Variants in FHDC1 observed in about 807,000 individuals in gnomAD.
FHDC1 encodes the protein FH2 domain containing 1, also known as FH2 domain-containing protein 1.
Under a neutral mutation model 52.6 loss-of-function variants are expected in FHDC1, and 25 were observed. The ratio of observed to expected loss-of-function variants is 0.48; its 90% CI spans 0.35 to 0.66. The LOEUF is 0.66. FHDC1 is among the 30% of genes least tolerant of loss of function. The pLI is 0.01. For synonymous variants in FHDC1, 616 were observed against 581.5 expected (o/e 1.06, Z -0.85); for missense variants, 1,459 against 1,452.8 (o/e 1.00, Z -0.07).
Position 152,953,553 on chromosome 4 carries a change from T to G in FHDC1, c.553T>G (p.Phe185Val). Residue 185 changes from phenylalanine (F) to valine (V), a missense_variant, in exon 3 of 12, where the codon TTT (phenylalanine) becomes GTT (valine). Physicochemically the swap from Phe to Val is conservative, Grantham distance 50. This residue lies in a region of FHDC1 where 513 missense variants were observed against 581.5 expected (regional missense o/e 0.88). Coordinates refer to ENST00000511601, the MANE Select transcript of FHDC1 (RefSeq NM_001371116.1). ...GAACATTGGGATATTTCTTAAGCAA[T>G]TTAAGAAGTAAGATTTTGCACACAT... ...SMNIGIFLKQ[F>V]KKSPRSIVED... 6.2e-7 allele frequency: 1 copy of G among 1,611,578 alleles called. No individual in the cohort carries two copies. Among genetic ancestry groups the G allele is most frequent in the Non-Finnish European group, 8.5e-7 (1 of 1,179,730 alleles).
At chr4:152,919,897 AC>A in the FHDC1 span, among the ~76,000 whole-genome samples, 1 of 151,254 alleles carries the variant, frequency 6.6e-6, no homozygotes, top group Non-Finnish European at 1.5e-5. Flanking sequence ...GACAGAGTCT[AC>A]AAACATGGCT....
intron 2 of FHDC1, among the ~76,000 whole-genome samples, chr4:152,947,110 T>C (rs1488161313): frequency 6.6e-6 from 1 of 151,342 alleles, no homozygotes; most frequent in East Asian, 1.9e-4. Context: ...TCCCAGCTAC[T>C]CAGGAGGCTG....
rs1482762317 is a variant in FHDC1 at position 152,974,947 on chromosome 4, G to A, written c.1656G>A (p.Leu552=). Residue 552 remains leucine (L), a synonymous_variant, in exon 12 of 12, where the codon CTG becomes CTA. Coordinates refer to ENST00000511601, the MANE Select transcript of FHDC1 (RefSeq NM_001371116.1). ...SLGPSADREL[L]TFLESSTGSP... is the part of the protein sequence containing the mutation. ...GTCCCTCTGCTGACCGGGAGCTGCT[G>A]ACCTTCTTGGAGAGCTCCACCGGCA... 3 of 1,612,354 alleles carry A rather than the reference G, an allele frequency of 1.9e-6. No homozygotes were observed. Among genetic ancestry groups the A allele is most frequent in the East Asian group, 2.2e-5 (1 of 44,884 alleles).
At chr4:152,971,708 G>C (rs1297022369) in intron 10 of FHDC1, among the ~76,000 whole-genome samples, 1 of 152,258 alleles carries the variant, frequency 6.6e-6, no homozygotes, top group Non-Finnish European at 1.5e-5. Flanking sequence ...GGACCCATCA[G>C]AATCTCCTGG....
At chr4:152,932,395 C>CT (rs574757744), upstream of FHDC1, among the ~76,000 whole-genome samples, 802 of 135,096 alleles carry the variant, frequency 5.9e-3, 7 homozygotes, top group African/African-American at 0.02. Flanking sequence ...GAGTGAGACT[C>CT]TATCTCAAAA....
At position 152,974,907 on chromosome 4, in the gene FHDC1, C is replaced by T. The variant is rs781542261; in HGVS notation, c.1616C>T (p.Ser539Phe). 3.7e-6 allele frequency: 6 copies of T among 1,610,914 alleles called. No homozygotes were observed. Among genetic ancestry groups the T allele is most frequent in the East Asian group, 2.2e-5 (1 of 44,832 alleles). ...TACCGGCCCCCGAACACCCGCCGCT[C>T]CCGCCTCTCCCTGGGTCCCTCTGCT... ...PSYRPPNTRR[S>F]RLSLGPSADR... The change falls in exon 12 of 12, where the codon TCC becomes TTC. Residue 539 changes from serine (S) to phenylalanine (F), a missense_variant. By Grantham distance (155) the Ser-to-Phe change is radical. Around this residue, in one of 3 missense-constraint regions of FHDC1, gnomAD observed 939 missense variants for 854.5 expected, o/e 1.10. Transcript: ENST00000511601.
chr4:152,952,068 T>C (rs1408265495), intron 2 of FHDC1, among the ~76,000 whole-genome samples: 1 of 152,220 alleles, frequency 6.6e-6, no homozygotes, highest in Non-Finnish European at 1.5e-5. Flanking sequence ...TATCTTATCC[T>C]TGGTGAAATG....
intron 9 of FHDC1, among the ~76,000 whole-genome samples, chr4:152,966,002 C>G (rs181414688): frequency 6.6e-6 from 1 of 152,154 alleles, no homozygotes; most frequent in African/African-American, 2.4e-5. Context: ...GAGGTGTAAA[C>G]AGTTTATAAT....
At chr4:152,963,191 T>A in intron 8 of FHDC1, 61 bp downstream of exon 8, 12 of 1,434,452 alleles carry the variant, frequency 8.4e-6, no homozygotes, top group Non-Finnish European at 1.2e-5. Flanking sequence ...GGCAGTGAAG[T>A]TTTTCCCAGG....
the FHDC1 span, among the ~76,000 whole-genome samples, chr4:152,919,944 CTTTTTTTTTTTT>C: frequency 7.1e-5 from 5 of 70,300 alleles, no homozygotes; most frequent in Non-Finnish European, 1.1e-4. Context: ...TAGGGAAGTT[CTTTTTTTTTTTT>C]TTTTTTTTTT....
At chr4:152,923,336 C>T in the FHDC1 span, among the ~76,000 whole-genome samples, 1 of 152,126 alleles carries the variant, frequency 6.6e-6, no homozygotes, top group African/African-American at 2.4e-5. Context: ...GAACTACAAA[C>T]CACTGCTCAA....
chr4:152,973,886 G>C (rs1391148222), intron 11 of FHDC1, among the ~76,000 whole-genome samples: 1 of 152,222 alleles, frequency 6.6e-6, no homozygotes, highest in East Asian at 1.9e-4. Flanking sequence ...CGATGGGAAG[G>C]GCTGGGTTCT....
chr4:152,959,025 AC>A (rs1740194796), intron 4 of FHDC1, among the ~76,000 whole-genome samples: 1 of 152,108 alleles, frequency 6.6e-6, no homozygotes. Flanking sequence ...CTTTGCAAAT[AC>A]TCCTTTCTTT....
At chr4:152,925,522 TA>T in the FHDC1 span, among the ~76,000 whole-genome samples, 3 of 152,076 alleles carry the variant, frequency 2.0e-5, no homozygotes, top group South Asian at 6.2e-4. Context: ...AGAGGGAAAT[TA>T]AAAACAAATG....
upstream of FHDC1, chr4:152,936,223 C>G (rs113559124): frequency 6.6e-6 from 1 of 152,280 alleles, no homozygotes; most frequent in African/African-American, 2.4e-5. Flanking sequence ...CTGCCCTTCC[C>G]GGCCGGCCAG....
the FHDC1 span, chr4:152,927,435 GT>G: frequency 1.3e-6 from 1 of 793,412 alleles, no homozygotes; most frequent in Non-Finnish European, 2.3e-6. Flanking sequence ...GTGGCGATTG[GT>G]TGTTTCGTTA....
chr4:152,953,073 G>T (rs1450665421), intron 2 of FHDC1, among the ~76,000 whole-genome samples: 1 of 152,044 alleles, frequency 6.6e-6, no homozygotes, highest in Non-Finnish European at 1.5e-5. Flanking sequence ...GGCAGAGGTT[G>T]CAGTGAGCCA....
intron 2 of FHDC1, 54 bp from the exon 3 acceptor site, chr4:152,953,445 C>T (rs1268612432): frequency 7.9e-6 from 11 of 1,389,818 alleles, no homozygotes; most frequent in African/African-American, 4.3e-5. Flanking sequence ...CTTCTTTCTC[C>T]ATCTCTTTTT....
chr4:152,920,308 G>A, the FHDC1 span, among the ~76,000 whole-genome samples: 8 of 152,014 alleles, frequency 5.3e-5, no homozygotes, highest in South Asian at 1.5e-3. Flanking sequence ...TTGACTGATT[G>A]TGACAGAGAA....
Sources: gnomAD v4.1 joint callset for allele counts (sites outside exome capture counted in the v4.1 genomes callset) on GRCh38, gnomAD v4.1.1 for gene constraint, gnomAD v4.1.1 regional missense constraint, MANE v1.5 for transcripts, NCBI Gene and HGNC (gene_info 2026-07-23, HGNC 2026-07-21) for gene names.